KIRREL1: variants seen among roughly 807,000 people sequenced by gnomAD.
The protein encoded by KIRREL1 is kirre like nephrin family adhesion molecule 1, also known as kin of IRRE-like protein 1.
KIRREL1 carries 25 observed loss-of-function variants against 83.3 expected under a neutral mutation model. The ratio of observed to expected loss-of-function variants is 0.30; its 90% CI spans 0.22 to 0.42. The LOEUF is 0.42. Ranked by LOEUF, KIRREL1 falls within the 10% of genes least tolerant of loss-of-function variation. The pLI is 1.00. For missense variants in KIRREL1, 812 were observed against 1,032.3 expected (o/e 0.79, Z 2.92); for synonymous variants, 388 against 410.4 (o/e 0.95, Z 0.66).
chr1:158,030,134 A>C (rs1660284447), intron 1 of KIRREL1, among the ~76,000 whole-genome samples: 1 of 152,206 alleles, frequency 6.6e-6, no homozygotes, highest in African/African-American at 2.4e-5. Context: ...TACCCACATG[A>C]AAGTGGTGGG....
intron 1 of KIRREL1, among the ~76,000 whole-genome samples, chr1:158,021,925 T>A (rs891619013): frequency 6.6e-6 from 1 of 152,146 alleles, no homozygotes; most frequent in Non-Finnish European, 1.5e-5. Flanking sequence ...TTATGGATAG[T>A]GCTAGTTTGG....
chr1:158,012,827 A>G (rs1041808844), intron 1 of KIRREL1, among the ~76,000 whole-genome samples: 1 of 152,272 alleles, frequency 6.6e-6, no homozygotes, highest in African/African-American at 2.4e-5. Flanking sequence ...TTACTAATCT[A>G]TGAACAAAGA....
intron 1 of KIRREL1, among the ~76,000 whole-genome samples, chr1:158,006,424 A>G (rs1295020237): frequency 1.3e-5 from 2 of 152,096 alleles, no homozygotes; most frequent in Non-Finnish European, 2.9e-5. Context: ...GATAAATAAC[A>G]TTTTCCACAA....
At chr1:158,088,730 C>T (rs1313819038) in intron 8 of KIRREL1, among the ~76,000 whole-genome samples, 2 of 151,860 alleles carry the variant, frequency 1.3e-5, no homozygotes, top group African/African-American at 2.4e-5. Context: ...GTGATCCGCC[C>T]GCCTCGGCCT....
Position 158,089,826 on chromosome 1 carries a change from G to GCGGACCTGCCTGCGGACAGC in KIRREL1, c.1272+10_1272+29dup, listed in dbSNP as rs1263490705. ...CCACCCCCAGACCGCATAGTGAGTGGCGGACCTGCCTGCGGACAGCCAGCC... is the reference window on the plus strand; with the variant it reads ...CCACCCCCAGACCGCATAGTGAGTGGCGGACCTGCCTGCGGACAGCCGGACCTGCCTGCGGACAGCCAGCC... On this transcript the variant is annotated intron_variant, in intron 10 of 14. Coordinates refer to ENST00000359209, the MANE Select transcript of KIRREL1 (RefSeq NM_018240.7). 3.1e-6 allele frequency: 5 copies of GCGGACCTGCCTGCGGACAGC among 1,612,850 alleles called. No individual in the cohort carries two copies. Among genetic ancestry groups the GCGGACCTGCCTGCGGACAGC allele is most frequent in the African/African-American group, 2.7e-5 (2 of 74,844 alleles).
At chr1:158,028,213 G>T (rs561819726) in intron 1 of KIRREL1, among the ~76,000 whole-genome samples, 1 of 152,270 alleles carries the variant, frequency 6.6e-6, no homozygotes, top group Non-Finnish European at 1.5e-5. Context: ...TGGTCTGCAG[G>T]AACTGAGACT....
At position 158,009,835 on chromosome 1, in the gene KIRREL1, C is replaced by G. The variant is rs147492842; in HGVS notation, c.52+16107C>G. 3.7e-4 allele frequency among the ~76,000 whole-genome samples: 57 copies of G among 152,294 alleles called. No individual in the cohort carries two copies. The East Asian group carries it at 0.01, about 27-fold the overall frequency. ...CTGTGTGCCAAAGGGTTAAACATAGCGAGTTAAACATAAAAGGGTTAAACA... is the reference window on the plus strand; with the variant it reads ...CTGTGTGCCAAAGGGTTAAACATAGGGAGTTAAACATAAAAGGGTTAAACA... On this transcript the variant is annotated intron_variant, in intron 1 of 14. Coordinates refer to ENST00000359209, the MANE Select transcript of KIRREL1 (RefSeq NM_018240.7).
At chr1:158,062,652 C>T (rs1244467572) in intron 1 of KIRREL1, among the ~76,000 whole-genome samples, 2 of 152,244 alleles carry the variant, frequency 1.3e-5, no homozygotes, top group African/African-American at 4.8e-5. Flanking sequence ...CGTGTGGTAA[C>T]ACACTCACGC....
At chr1:158,042,121 GGAGGGACAAGAGAGGAAGA>G (rs1660644168) in intron 1 of KIRREL1, among the ~76,000 whole-genome samples, 1 of 152,104 alleles carries the variant, frequency 6.6e-6, no homozygotes, top group Non-Finnish European at 1.5e-5. Flanking sequence ...AGGCTTGGAG[GGAGGGACAAGAGAGGAAGA>G]GAGCTCCTCC....
chr1:158,050,577 A>T (rs1426428752), intron 1 of KIRREL1, among the ~76,000 whole-genome samples: 1 of 152,182 alleles, frequency 6.6e-6, no homozygotes, highest in Non-Finnish European at 1.5e-5. Flanking sequence ...GCCAGAAGCC[A>T]CTTGTTTAAG....
At chr1:158,063,386 C>T (rs559029881) in intron 1 of KIRREL1, among the ~76,000 whole-genome samples, 48 of 152,294 alleles carry the variant, frequency 3.2e-4, no homozygotes, top group Non-Finnish European at 6.2e-4. Context: ...GGAATAAGAC[C>T]CCCATGTCCA....
chr1:158,086,908 G>A (rs1662034079), intron 5 of KIRREL1, among the ~76,000 whole-genome samples, 162 bp downstream of exon 5: 1 of 152,116 alleles, frequency 6.6e-6, no homozygotes. Context: ...ATTGAACCAT[G>A]GGGACTAAGG....
chr1:158,057,261 C>T (rs1453560391), intron 1 of KIRREL1, among the ~76,000 whole-genome samples: 1 of 152,082 alleles, frequency 6.6e-6, no homozygotes, highest in African/African-American at 2.4e-5. Flanking sequence ...CTGCAGGATG[C>T]CAGAGCTTCC....
intron 1 of KIRREL1, among the ~76,000 whole-genome samples, chr1:158,011,175 A>G (rs1347945825): frequency 3.3e-5 from 5 of 152,188 alleles, no homozygotes; most frequent in Non-Finnish European, 7.3e-5. Context: ...CGGAGAGCCC[A>G]TCCTGACTAA....
chr1:158,012,671 C>A (rs1170191325), intron 1 of KIRREL1, among the ~76,000 whole-genome samples: 1 of 152,210 alleles, frequency 6.6e-6, no homozygotes, highest in African/African-American at 2.4e-5. Context: ...ACATGGAATT[C>A]ATAAGTCCTG....
intron 1 of KIRREL1, among the ~76,000 whole-genome samples, chr1:158,016,461 A>G (rs1659828745): frequency 6.6e-6 from 1 of 152,210 alleles, no homozygotes; most frequent in Non-Finnish European, 1.5e-5. Context: ...GGCAGTAACT[A>G]TAGTTAACTC....
rs537560575 is a variant in KIRREL1, at chr1:158,093,293, G to A, written c.1472-46G>A. ...TAGCCAGCACTGAGCTTAGCTCCCAGTATAACTCCAGCCTCACCCCTCCAC... is the reference window on the plus strand; with the variant it reads ...TAGCCAGCACTGAGCTTAGCTCCCAATATAACTCCAGCCTCACCCCTCCAC... On this transcript the variant is annotated intron_variant, in intron 11 of 14. Transcript: ENST00000359209. The A allele has an allele frequency of 1.1e-5, 16 of 1,520,162 alleles. 1 individual carries two copies. In the South Asian group the frequency reaches 1.8e-4, roughly 17 times the overall value. The allele number at this position is 1,520,162 out of a possible 1,614,324, so 94.2% of individuals were successfully genotyped here.
intron 1 of KIRREL1, among the ~76,000 whole-genome samples, chr1:158,066,326 G>A (rs758503593): frequency 2.0e-5 from 3 of 151,970 alleles, no homozygotes; most frequent in Non-Finnish European, 2.9e-5. Context: ...TTGTCTCTCT[G>A]TCCTGTCCTC....
intron 1 of KIRREL1, among the ~76,000 whole-genome samples, chr1:158,004,463 T>C (rs571725990): frequency 1.4e-4 from 21 of 152,152 alleles, no homozygotes; most frequent in Admixed American, 1.4e-3. Context: ...CAGCACAGTG[T>C]AATGGAAAGC....
Sources: allele counts gnomAD v4.1 joint callset (sites outside exome capture counted in the v4.1 genomes callset), GRCh38; gene constraint gnomAD v4.1.1; transcripts MANE v1.5; gene names NCBI Gene and HGNC (gene_info 2026-07-23, HGNC 2026-07-21).